The following LY96 variants were observed in gnomAD, a reference collection of about 807,000 sequenced individuals.
The protein encoded by LY96 is myeloid differentiation protein-2.
LY96 carries 18 observed loss-of-function variants against 18.9 expected under a neutral mutation model. That is an observed-to-expected ratio of 0.95 (90% CI 0.66 to 1.41). LY96 has a LOEUF of 1.41. Among genes scored for constraint, LY96 ranks in the 40% most tolerant of loss-of-function variants. LY96 has a pLI of 0.00. For missense variants in LY96, 175 were observed against 182.4 expected, an observed-to-expected ratio of 0.96 and a Z score of 0.23; for synonymous variants, 66 against 62.6, an observed-to-expected ratio of 1.06 and a Z score of -0.26.
At chr8:74,079,203 G>T in the LY96 span, among the ~76,000 whole-genome samples, 14 of 152,254 alleles carry the variant, frequency 9.2e-5, no homozygotes, top group South Asian at 2.9e-3. Context: ...CTGCCCTTGG[G>T]CAACAGCACT....
chr8:74,002,622 AG>A (rs1816320702), intron 1 of LY96, among the ~76,000 whole-genome samples: 1 of 142,072 alleles, frequency 7.0e-6, no homozygotes, highest in African/African-American at 2.6e-5. Flanking sequence ...CCCAGGCTGG[AG>A]TGTAGTGGCA....
the LY96 span, among the ~76,000 whole-genome samples, chr8:74,035,134 T>G: frequency 5.9e-5 from 9 of 152,338 alleles, no homozygotes; most frequent in African/African-American, 1.9e-4. Flanking sequence ...AAACCCAAGA[T>G]TACTGTACTC....
At chr8:73,992,555 C>T (rs1816025519) in intron 1 of LY96, among the ~76,000 whole-genome samples, 2 of 152,148 alleles carry the variant, frequency 1.3e-5, no homozygotes, top group Admixed American at 1.3e-4. Flanking sequence ...TGTATGTTAA[C>T]TCTCTTGAGA....
chr8:74,049,351 TCAC>T, the LY96 span, among the ~76,000 whole-genome samples: 4 of 152,190 alleles, frequency 2.6e-5, no homozygotes, highest in Non-Finnish European at 5.9e-5. Flanking sequence ...TAAAAAGAAA[TCAC>T]TGCTAATCCG....
chr8:74,026,369 A>G (rs1384571004), intron 3 of LY96, among the ~76,000 whole-genome samples: 2 of 152,156 alleles, frequency 1.3e-5, no homozygotes, highest in African/African-American at 4.8e-5. Flanking sequence ...AATTGGGAGG[A>G]GCTTCAGTAT....
the LY96 span, chr8:74,079,791 C>T: frequency 2.6e-5 from 4 of 152,000 alleles, no homozygotes; most frequent in Non-Finnish European, 4.4e-5. Flanking sequence ...CTCAAGAGAT[C>T]CACCCGCTTT....
the LY96 span, among the ~76,000 whole-genome samples, chr8:74,086,409 T>G: frequency 2.0e-5 from 3 of 152,350 alleles, no homozygotes; most frequent in South Asian, 6.2e-4. Flanking sequence ...CATTCTTTGC[T>G]CATTGAAGAC....
chr8:74,039,497 A>G, the LY96 span, among the ~76,000 whole-genome samples: 1 of 152,186 alleles, frequency 6.6e-6, no homozygotes, highest in African/African-American at 2.4e-5. Context: ...CCGGGGGACC[A>G]CTACCATCAA....
At chr8:74,079,486 T>C in the LY96 span, 1 of 152,186 alleles carries the variant, frequency 6.6e-6, no homozygotes, top group East Asian at 1.9e-4. Context: ...AAAAGCTGTC[T>C]AACAACTTTG....
At chr8:74,060,557 T>C in the LY96 span, among the ~76,000 whole-genome samples, 1 of 152,250 alleles carries the variant, frequency 6.6e-6, no homozygotes, top group Admixed American at 6.5e-5. Flanking sequence ...CTCAGCTTCT[T>C]GCACATAATA....
downstream of LY96, among the ~76,000 whole-genome samples, chr8:74,033,640 T>C (rs372181167): frequency 2.0e-5 from 3 of 152,238 alleles, no homozygotes; most frequent in South Asian, 4.1e-4. Context: ...GTTTCACTTG[T>C]GAAGTTCGAA....
the LY96 span, among the ~76,000 whole-genome samples, chr8:74,093,326 G>C: frequency 6.6e-6 from 1 of 152,176 alleles, no homozygotes; most frequent in Non-Finnish European, 1.5e-5. Context: ...TTTAGGAGGG[G>C]ACCAGTCTCT....
the LY96 span, among the ~76,000 whole-genome samples, chr8:74,069,924 T>C: frequency 6.6e-5 from 10 of 152,180 alleles, no homozygotes; most frequent in African/African-American, 2.4e-4. Context: ...AGAAAATGAA[T>C]CAGTAATTTC....
intron 1 of LY96, among the ~76,000 whole-genome samples, chr8:73,994,033 G>A (rs532085085): frequency 6.6e-6 from 1 of 152,006 alleles, no homozygotes; most frequent in East Asian, 1.9e-4. Flanking sequence ...CATCTAGGCT[G>A]GAGTGCAGTA....
At chr8:74,042,518 CA>C in the LY96 span, among the ~76,000 whole-genome samples, 712 of 147,156 alleles carry the variant, frequency 4.8e-3, 3 homozygotes, top group African/African-American at 0.016. Context: ...AACTCCATCT[CA>C]AAAAAAAAAA....
chr8:74,008,574 G>A (rs886517309), intron 2 of LY96, among the ~76,000 whole-genome samples: 4 of 152,168 alleles, frequency 2.6e-5, no homozygotes, highest in Admixed American at 6.5e-5. Context: ...AAGGCAGCGC[G>A]GTAATGGGGA....
chr8:74,024,161 A>T (rs1421794113), intron 3 of LY96, among the ~76,000 whole-genome samples: 1 of 152,198 alleles, frequency 6.6e-6, no homozygotes, highest in Non-Finnish European at 1.5e-5. Context: ...GCTAGGTGCC[A>T]GATATCCAAA....
At chr8:74,067,169 G>C in the LY96 span, among the ~76,000 whole-genome samples, 1 of 152,162 alleles carries the variant, frequency 6.6e-6, no homozygotes, top group Non-Finnish European at 1.5e-5. Context: ...ATAGGTATGT[G>C]TGCATGACAG....
intron 3 of LY96, among the ~76,000 whole-genome samples, chr8:74,019,662 A>C (rs1478872447): frequency 6.6e-6 from 1 of 152,232 alleles, no homozygotes; most frequent in Non-Finnish European, 1.5e-5. Context: ...ATCGATGAGA[A>C]AATCCTCAAT....
Sources: allele counts gnomAD v4.1 joint callset (sites outside exome capture counted in the v4.1 genomes callset), GRCh38; gene constraint gnomAD v4.1.1; transcripts MANE v1.5; gene names NCBI Gene and HGNC (gene_info 2026-07-23, HGNC 2026-07-21).